Variants in ARK2C observed in about 807,000 individuals in gnomAD.
The protein encoded by ARK2C is arkadia (RNF111) C-terminal like ring finger ubiquitin ligase 2C, also known as E3 ubiquitin-protein ligase ARK2C.
At chr18:46,342,186 C>A in the ARK2C span, among the ~76,000 whole-genome samples, 1 of 152,200 alleles carries the variant, frequency 6.6e-6, no homozygotes, top group East Asian at 1.9e-4. Context: ...GCCTTTGCCA[C>A]CCTTCCTGAC....
chr18:46,359,866 A>G, the ARK2C span, among the ~76,000 whole-genome samples: 1 of 152,192 alleles, frequency 6.6e-6, no homozygotes, highest in Non-Finnish European at 1.5e-5. Flanking sequence ...AAACTAAGGC[A>G]CTTCCTAGAA....
At chr18:46,336,711 C>T in the ARK2C span, 6 of 985,114 alleles carry the variant, frequency 6.1e-6, no homozygotes, top group African/African-American at 5.2e-5. Context: ...CTTGTTTAGC[C>T]GAGTACATTG....
At chr18:46,406,037 TACAC>T in the ARK2C span, among the ~76,000 whole-genome samples, 39 of 152,026 alleles carry the variant, frequency 2.6e-4, no homozygotes, top group East Asian at 7.2e-3. Context: ...TGTACACCCT[TACAC>T]ACCCATGTAC....
At chr18:46,449,903 G>A in the ARK2C span, among the ~76,000 whole-genome samples, 1 of 152,250 alleles carries the variant, frequency 6.6e-6, no homozygotes, top group Non-Finnish European at 1.5e-5. Context: ...AACTGCCTGG[G>A]TTTGAAATCC....
the ARK2C span, among the ~76,000 whole-genome samples, chr18:46,415,529 A>G: frequency 1.3e-5 from 2 of 151,842 alleles, no homozygotes; most frequent in Admixed American, 6.5e-5. Flanking sequence ...CTGTCTCAAA[A>G]AAAATAAAAA....
At chr18:46,368,780 G>T in the ARK2C span, among the ~76,000 whole-genome samples, 1 of 152,238 alleles carries the variant, frequency 6.6e-6, no homozygotes, top group Non-Finnish European at 1.5e-5. Context: ...TTCACTTGCT[G>T]TGGGACCTTG....
the ARK2C span, among the ~76,000 whole-genome samples, chr18:46,371,275 AC>A: frequency 6.6e-6 from 1 of 152,098 alleles, no homozygotes. Context: ...ACACAGCCAA[AC>A]CCTATCAGGA....
At chr18:46,335,850 C>T in the ARK2C span, 1 of 969,788 alleles carries the variant, frequency 1.0e-6, no homozygotes. Context: ...TGATGACATT[C>T]TGCATTTATC....
the ARK2C span, among the ~76,000 whole-genome samples, chr18:46,395,647 T>G: frequency 2.0e-5 from 3 of 152,204 alleles, no homozygotes; most frequent in Non-Finnish European, 4.4e-5. Context: ...TAATTCCTGC[T>G]GCAGGGGATA....
At chr18:46,393,178 A>G in the ARK2C span, among the ~76,000 whole-genome samples, 3 of 152,208 alleles carry the variant, frequency 2.0e-5, no homozygotes, top group Non-Finnish European at 4.4e-5. Context: ...TTTAAAAGCA[A>G]CACCAAGAAA....
chr18:46,450,741 C>T, the ARK2C span: 2 of 1,613,926 alleles, frequency 1.2e-6, no homozygotes, highest in Non-Finnish European at 1.7e-6. Context: ...GGTAATGTGA[C>T]TCGGGGAGCT....
chr18:46,401,740 G>A, the ARK2C span, among the ~76,000 whole-genome samples: 1 of 152,230 alleles, frequency 6.6e-6, no homozygotes, highest in East Asian at 1.9e-4. Context: ...TCTCCACGGA[G>A]CTTCCTGGAG....
At chr18:46,396,337 C>T in the ARK2C span, among the ~76,000 whole-genome samples, 3 of 152,148 alleles carry the variant, frequency 2.0e-5, no homozygotes, top group Admixed American at 2.0e-4. Context: ...TCTTCTGGCT[C>T]AGTTCCTGGA....
chr18:46,446,400 G>A, the ARK2C span, among the ~76,000 whole-genome samples: 1 of 152,084 alleles, frequency 6.6e-6, no homozygotes, highest in African/African-American at 2.4e-5. Flanking sequence ...GCTGGGTGTG[G>A]TGGCTCATGC....
chr18:46,394,862 G>A, the ARK2C span, among the ~76,000 whole-genome samples: 71 of 152,324 alleles, frequency 4.7e-4, 1 homozygote, highest in East Asian at 9.4e-3. Context: ...CTAGTTCTTT[G>A]AAAATAGATG....
the ARK2C span, among the ~76,000 whole-genome samples, chr18:46,415,888 C>G: frequency 2.6e-5 from 4 of 152,128 alleles, no homozygotes; most frequent in Non-Finnish European, 5.9e-5. Context: ...CACGAGGGAC[C>G]TGGAGTGCCA....
chr18:46,383,794 G>T, the ARK2C span, among the ~76,000 whole-genome samples: 1 of 151,482 alleles, frequency 6.6e-6, no homozygotes, highest in Non-Finnish European at 1.5e-5. Context: ...CTCGTGATCC[G>T]CCCACCTTGG....
At chr18:46,362,861 C>G in the ARK2C span, among the ~76,000 whole-genome samples, 2 of 152,200 alleles carry the variant, frequency 1.3e-5, no homozygotes, top group Admixed American at 1.3e-4. Context: ...TTCACTCAGT[C>G]CTTCCACTTT....
At chr18:46,358,912 TC>T in the ARK2C span, among the ~76,000 whole-genome samples, 1 of 152,136 alleles carries the variant, frequency 6.6e-6, no homozygotes, top group Non-Finnish European at 1.5e-5. Flanking sequence ...AGAGACTCTC[TC>T]AGTCACACCC....
Sources: gnomAD v4.1 joint callset for allele counts (sites outside exome capture counted in the v4.1 genomes callset) on GRCh38, gnomAD v4.1.1 for gene constraint, MANE v1.5 for transcripts, NCBI Gene and HGNC (gene_info 2026-07-23, HGNC 2026-07-21) for gene names.